The following GPR35 variants were observed in gnomAD, a reference collection of about 807,000 sequenced individuals.
GPR35 encodes the protein KYNA receptor.
For synonymous variants in GPR35, 207 were observed against 198.4 expected, an observed-to-expected ratio of 1.04 and a Z score of -0.36; for missense variants, 372 against 422.5, an observed-to-expected ratio of 0.88 and a Z score of 1.05.
chr2:240,625,954 AG>A, intron 1 of GPR35, among the ~76,000 whole-genome samples: 1 of 94,466 alleles, frequency 1.1e-5, no homozygotes, highest in East Asian at 4.3e-4. Context: ...ATGGGTTCTC[AG>A]AGCAGGGTGA....
chr2:240,608,348 A>G (rs1319071122), intron 2 of GPR35, among the ~76,000 whole-genome samples: 1 of 152,230 alleles, frequency 6.6e-6, no homozygotes, highest in Non-Finnish European at 1.5e-5. Context: ...GTTTCTGAGT[A>G]TAGTGAGAAA....
chr2:240,609,347 A>G (rs1355158893), intron 2 of GPR35, among the ~76,000 whole-genome samples: 1 of 152,208 alleles, frequency 6.6e-6, no homozygotes, highest in Non-Finnish European at 1.5e-5. Flanking sequence ...GAACACTGAG[A>G]GCTACAGATT....
At chr2:240,616,657 C>T in intron 3 of GPR35, 1 of 665,564 alleles carries the variant, frequency 1.5e-6, no homozygotes, top group South Asian at 1.7e-5. Flanking sequence ...AGAGACCCCC[C>T]AGTGGGTGAT....
intron 2 of GPR35, chr2:240,607,412 A>G (rs902828267): frequency 6.6e-6 from 1 of 152,098 alleles, no homozygotes; most frequent in East Asian, 1.9e-4. Flanking sequence ...GCTAGTCTCA[A>G]ACGCCTGGAC....
chr2:240,616,032 C>T (rs1032841257), intron 2 of GPR35, among the ~76,000 whole-genome samples: 1 of 152,214 alleles, frequency 6.6e-6, no homozygotes, highest in African/African-American at 2.4e-5. Flanking sequence ...CCTCCTGCCC[C>T]AGACGGCACT....
chr2:240,611,404 T>A (rs2043181777), intron 2 of GPR35, among the ~76,000 whole-genome samples: 1 of 152,254 alleles, frequency 6.6e-6, no homozygotes, highest in Non-Finnish European at 1.5e-5. Context: ...TTTTCCCTCC[T>A]CTTTTTCTGC....
At chr2:240,606,091 T>C (rs1442629869) in intron 1 of GPR35, among the ~76,000 whole-genome samples, 1 of 152,176 alleles carries the variant, frequency 6.6e-6, no homozygotes, top group Non-Finnish European at 1.5e-5. Flanking sequence ...CATTCCTCTC[T>C]AGTCCCCAGC....
At chr2:240,612,121 G>C (rs983185001) in intron 2 of GPR35, among the ~76,000 whole-genome samples, 5 of 151,866 alleles carry the variant, frequency 3.3e-5, no homozygotes, top group Non-Finnish European at 7.4e-5. Flanking sequence ...TTCACGGTGG[G>C]TGCATTGGTG....
At chr2:240,615,075 GTA>G (rs774677596) in intron 2 of GPR35, among the ~76,000 whole-genome samples, 1 of 151,962 alleles carries the variant, frequency 6.6e-6, no homozygotes, top group Admixed American at 6.6e-5. Flanking sequence ...GTGCATGTGT[GTA>G]TGTTTACATG....
At position 240,630,393 on chromosome 2, in the gene GPR35, C is replaced by T. The variant is rs138283952; in HGVS notation, c.441C>T (p.Ser147=). 2.9e-4 allele frequency: 472 copies of T among 1,611,490 alleles called. No individual in the cohort carries two copies. Among genetic ancestry groups the T allele is most frequent in the Non-Finnish European group, 3.8e-4 (449 of 1,179,888 alleles). ...TCCTCTGGGTGCTGGTCATCGGCTC[C>T]CTGGTGGCTCGCTGGCTCCTGGGGA... ...CAVLWVLVIG[S]LVARWLLGIQ... Residue 147 remains serine, a synonymous_variant, in exon 2 of 2, where the codon TCC becomes TCT. Coordinates refer to ENST00000407714, the MANE Select transcript of GPR35 (RefSeq NM_005301.5).
chr2:240,622,471 TAAG>T (rs1224336226), upstream of GPR35, among the ~76,000 whole-genome samples: 2 of 152,230 alleles, frequency 1.3e-5, no homozygotes, highest in Admixed American at 6.5e-5. Flanking sequence ...CGCATTGGAA[TAAG>T]AAGAATTGCC....
rs764719319 is a variant in GPR35 at position 240,630,320 on chromosome 2, G to C, written c.368G>C (p.Arg123Pro). ...TATGTGGCCGTGCGGCACCCGCTGCGTGCCCGCGGGCTGCGGTCCCCCAGG... is the reference window on the plus strand; with the variant it reads ...TATGTGGCCGTGCGGCACCCGCTGCCTGCCCGCGGGCTGCGGTCCCCCAGG... ...DRYVAVRHPL[R>P]ARGLRSPRQA... Residue 123 changes from arginine to proline, a missense_variant, in exon 2 of 2, where the codon CGT becomes CCT. Coordinates refer to ENST00000407714, the MANE Select transcript of GPR35 (RefSeq NM_005301.5). The C allele has an allele frequency of 3.1e-6, 5 of 1,590,336 alleles. No individual in the cohort carries two copies. In the African/African-American group the frequency reaches 6.7e-5, roughly 21 times the overall value.
In GPR35 at chr2:240,631,221, C is replaced by G. The variant is rs546323503; in HGVS notation, c.*339C>G. On this transcript the variant is annotated 3_prime_UTR_variant, in exon 2 of 2. Coordinates refer to ENST00000407714, the MANE Select transcript of GPR35 (RefSeq NM_005301.5). ...CTTGATGACACCTGCCGCTGCCCCTCGGGGCTGGAATAAAACTCCCCACCC... is the reference window on the plus strand; with the variant it reads ...CTTGATGACACCTGCCGCTGCCCCTGGGGGCTGGAATAAAACTCCCCACCC... 3.0e-6 allele frequency: 1 copy of G among 330,502 alleles called. No individual in the cohort carries two copies. The highest frequency in any genetic ancestry group is 2.1e-5 in the African/African-American group (1 of 47,798). The allele number at this position is 330,502 out of a possible 1,614,324, so 20.5% of individuals were successfully genotyped here. A position where few individuals can be genotyped will look rare whatever the true frequency, so the allele number is the denominator to read the frequency against.
intron 1 of GPR35, among the ~76,000 whole-genome samples, chr2:240,626,729 G>A (rs1402337234): frequency 6.6e-6 from 1 of 152,118 alleles, no homozygotes; most frequent in Non-Finnish European, 1.5e-5. Flanking sequence ...AGGTACGGGG[G>A]ACTCTGGTGC....
At chr2:240,615,850 G>A (rs2043231894) in intron 2 of GPR35, among the ~76,000 whole-genome samples, 1 of 152,232 alleles carries the variant, frequency 6.6e-6, no homozygotes, top group Non-Finnish European at 1.5e-5. Context: ...TACCACAATG[G>A]AGTTTTGCAG....
intron 5 of GPR35, among the ~76,000 whole-genome samples, chr2:240,619,443 A>G (rs2043269862): frequency 6.6e-6 from 1 of 152,206 alleles, no homozygotes; most frequent in Non-Finnish European, 1.5e-5. Context: ...AGGATAGGGC[A>G]AAAGAACGGG....
exon 4 of GPR35, chr2:240,617,344 A>G (rs2043249420): frequency 4.4e-6 from 3 of 684,224 alleles, no homozygotes; most frequent in South Asian, 1.6e-5. Flanking sequence ...TTCCTGACCC[A>G]CAGGAACTGG....
chr2:240,620,636 C>G (rs1473069813), upstream of GPR35, among the ~76,000 whole-genome samples: 1 of 152,080 alleles, frequency 6.6e-6, no homozygotes, highest in Non-Finnish European at 1.5e-5. Flanking sequence ...CAGCTCCTGC[C>G]AAGGGCCCTG....
upstream of GPR35, among the ~76,000 whole-genome samples, chr2:240,623,045 A>AT (rs947954224): frequency 2.5e-4 from 30 of 119,394 alleles, no homozygotes; most frequent in East Asian, 1.4e-3. Context: ...GCAGCAGAGG[A>AT]CCCCAGGCGA....
Sources: gnomAD v4.1 joint callset for allele counts (sites outside exome capture counted in the v4.1 genomes callset) on GRCh38, gnomAD v4.1.1 for gene constraint, MANE v1.5 for transcripts, NCBI Gene and HGNC (gene_info 2026-07-23, HGNC 2026-07-21) for gene names.